The following RAB6B variants were observed in gnomAD, a reference collection of about 807,000 sequenced individuals.
RAB6B encodes the protein ras-related protein Rab-6B.
Under a neutral mutation model 31.2 loss-of-function variants are expected in RAB6B, and 7 were observed. The observed-to-expected ratio is 0.22, with a 90% CI of 0.13 to 0.42. The LOEUF is 0.42. RAB6B is among the 10% of genes least tolerant of loss of function. The pLI, the probability that RAB6B is intolerant of heterozygous loss-of-function variation, is 1.00. For synonymous variants in RAB6B, 105 were observed against 104.9 expected, an observed-to-expected ratio of 1.00 and a Z score of -0.01; for missense variants, 149 against 280.6, an observed-to-expected ratio of 0.53 and a Z score of 3.35.
intron 2 of RAB6B, among the ~76,000 whole-genome samples, chr3:133,842,563 G>T (rs1164676693): frequency 6.6e-6 from 1 of 152,244 alleles, no homozygotes; most frequent in Non-Finnish European, 1.5e-5. Context: ...ACCCTTGGCA[G>T]CTGTTAACAA....
chr3:133,855,528 G>C (rs1936062649), intron 2 of RAB6B, among the ~76,000 whole-genome samples: 1 of 152,138 alleles, frequency 6.6e-6, no homozygotes, highest in Non-Finnish European at 1.5e-5. Context: ...CAATATCAGT[G>C]GGTCCCTTCA....
intron 1 of RAB6B, among the ~76,000 whole-genome samples, chr3:133,890,759 G>C (rs1936625704): frequency 1.3e-5 from 2 of 152,158 alleles, no homozygotes; most frequent in African/African-American, 4.8e-5. Flanking sequence ...CTGCAGGTGG[G>C]GAGGGGTGAA....
chr3:133,824,513 A>G lies in RAB6B; in HGVS notation c.*4275T>C, dbSNP rs936149154. ...AGGAACCATCTAAACCCCTGCTGCA[A>G]GGATTTCCTGATGAAACCACACACT... On this transcript the variant is annotated 3_prime_UTR_variant, in exon 8 of 8. Transcript: ENST00000285208. The G allele has an allele frequency of 6.6e-6, 1 of 152,236 alleles. No homozygotes were observed. The highest frequency in any genetic ancestry group is 2.4e-5 in the African/African-American group (1 of 41,454). The allele number at this position is 152,236 out of a possible 1,614,324, so 9.4% of individuals were successfully genotyped here.
intron 1 of RAB6B, among the ~76,000 whole-genome samples, chr3:133,873,707 T>A (rs984141260): frequency 6.6e-6 from 1 of 152,196 alleles, no homozygotes; most frequent in Non-Finnish European, 1.5e-5. Flanking sequence ...TTTTAATATA[T>A]AGAGAGTTGA....
chr3:133,839,267 A>C (rs534613389), intron 5 of RAB6B, among the ~76,000 whole-genome samples: 1 of 152,334 alleles, frequency 6.6e-6, no homozygotes, highest in African/African-American at 2.4e-5. Context: ...CTGTGTAGAC[A>C]GCAAACGGAG....
chr3:133,873,219 C>T (rs769885526), intron 1 of RAB6B, among the ~76,000 whole-genome samples: 16 of 152,232 alleles, frequency 1.1e-4, no homozygotes, highest in South Asian at 2.1e-4. Flanking sequence ...CTTGTCATCA[C>T]GAAAACTAAG....
At chr3:133,872,098 A>G (rs1035392363) in intron 1 of RAB6B, among the ~76,000 whole-genome samples, 30 of 152,232 alleles carry the variant, frequency 2.0e-4, no homozygotes, top group African/African-American at 6.0e-4. Context: ...GAATCTCTGC[A>G]TCCCCGGCCC....
In RAB6B at chr3:133,863,369, C is replaced by G. The variant is rs151069558; in HGVS notation, c.129+1215G>C. ...GATAATTGGTCCAGAGGGAGACAGA[C>G]AGACTAAAAAGTAGATACAGAGCTG... On this transcript the variant is annotated intron_variant, in intron 2 of 7. Transcript: ENST00000285208. Among the ~76,000 whole-genome samples, 466 of 152,312 alleles carry G rather than the reference C, an allele frequency of 3.1e-3. 2 individuals carry two copies. The highest frequency in any genetic ancestry group is 4.0e-3 in the Non-Finnish European group (273 of 68,030).
At chr3:133,832,607 C>A (rs966576098) in intron 7 of RAB6B, among the ~76,000 whole-genome samples, 1 of 152,212 alleles carries the variant, frequency 6.6e-6, no homozygotes, top group Non-Finnish European at 1.5e-5. Context: ...AATGCCAACA[C>A]CCCATCCCGA....
chr3:133,895,295 G>A, intron 1 of RAB6B, 102 bp downstream of exon 1: 2 of 1,293,598 alleles, frequency 1.5e-6, no homozygotes, highest in South Asian at 1.3e-5. Context: ...CCCTGGCAAG[G>A]AGGGGCCTTT....
chr3:133,883,508 CCAA>C (rs978678532), intron 1 of RAB6B, among the ~76,000 whole-genome samples: 20 of 152,292 alleles, frequency 1.3e-4, no homozygotes, highest in Non-Finnish European at 2.6e-4. Context: ...CTGTGCATGG[CCAA>C]CAAGCCCCCA....
chr3:133,892,077 G>A (rs769700996), intron 1 of RAB6B, among the ~76,000 whole-genome samples: 2 of 152,010 alleles, frequency 1.3e-5, no homozygotes, highest in Non-Finnish European at 2.9e-5. Flanking sequence ...GAAGACGTGG[G>A]TCCCACAGGC....
At chr3:133,859,035 G>A (rs542231881) in intron 2 of RAB6B, among the ~76,000 whole-genome samples, 2 of 152,304 alleles carry the variant, frequency 1.3e-5, no homozygotes, top group South Asian at 2.1e-4. Flanking sequence ...CTGGAGTGCA[G>A]TGGCATGATC....
intron 1 of RAB6B, among the ~76,000 whole-genome samples, chr3:133,888,188 C>G (rs952274873): frequency 1.3e-5 from 2 of 152,206 alleles, no homozygotes; most frequent in African/African-American, 4.8e-5. Flanking sequence ...TCACAGTGAC[C>G]TGGGTCTGAA....
intron 2 of RAB6B, among the ~76,000 whole-genome samples, chr3:133,858,794 C>A (rs187973827): frequency 1.3e-5 from 2 of 152,274 alleles, no homozygotes; most frequent in East Asian, 3.9e-4. Flanking sequence ...TGCAGCCCTG[C>A]CAACAGCCCA....
intron 1 of RAB6B, among the ~76,000 whole-genome samples, chr3:133,888,751 G>C (rs1421758896): frequency 6.6e-6 from 1 of 152,202 alleles, no homozygotes; most frequent in Admixed American, 6.5e-5. Flanking sequence ...CAAGCCCCAA[G>C]ATATGGTAAA....
rs547127256 is a variant in RAB6B at position 133,851,882 on chromosome 3, C to T, written c.130-10219G>A. On this transcript the variant is annotated intron_variant, in intron 2 of 7. Transcript: ENST00000285208. The stretch of plus-strand genomic sequence containing the variant: ...ATGGGCTGACTCCTTTGGAGCACAT[C>T]CCAGCTAGGGTAGCCACTAAAGGAT... Among the ~76,000 whole-genome samples the T allele has an allele frequency of 7.2e-5, 11 of 152,280 alleles. No individual in the cohort carries two copies. In the East Asian group the frequency reaches 2.1e-3, roughly 29 times the overall value.
In RAB6B at chr3:133,825,006, A is replaced by T. The variant is rs1240595642; in HGVS notation, c.*3782T>A. The T allele has an allele frequency of 1.3e-5, 2 of 152,210 alleles. No individual in the cohort carries two copies. Among genetic ancestry groups the T allele is most frequent in the Non-Finnish European group, 2.9e-5 (2 of 68,036 alleles). 9.4% of individuals were successfully genotyped at this position (152,210 alleles called of 1,614,324 possible). A position where few individuals can be genotyped will look rare whatever the true frequency, so the allele number is the denominator to read the frequency against. On this transcript the variant is annotated 3_prime_UTR_variant, in exon 8 of 8. Coordinates refer to ENST00000285208, the MANE Select transcript of RAB6B (RefSeq NM_016577.4). ...GGAAAAGTTGTGACAGCTCTGCTTCACATAGCTGTAACAAGGTGACAATGC... is the reference window on the plus strand; with the variant it reads ...GGAAAAGTTGTGACAGCTCTGCTTCTCATAGCTGTAACAAGGTGACAATGC...
At position 133,878,970 on chromosome 3, in the gene RAB6B, C is replaced by T. The variant is rs535444384; in HGVS notation, c.71-14328G>A. ...GATACCCACACATTCACACTTACAT[C>T]ACATGGGGTCAGCATGTGCACTAAA... On this transcript the variant is annotated intron_variant, in intron 1 of 7. Coordinates refer to ENST00000285208, the MANE Select transcript of RAB6B (RefSeq NM_016577.4). 7.9e-5 allele frequency among the ~76,000 whole-genome samples: 12 copies of T among 152,318 alleles called. No individual in the cohort carries two copies. In the South Asian group the frequency reaches 2.5e-3, roughly 32 times the overall value.
Sources: gnomAD v4.1 joint callset for allele counts (sites outside exome capture counted in the v4.1 genomes callset) on GRCh38, gnomAD v4.1.1 for gene constraint, MANE v1.5 for transcripts, NCBI Gene and HGNC (gene_info 2026-07-23, HGNC 2026-07-21) for gene names.